The following BEST1 variants were observed in gnomAD, a reference collection of about 807,000 sequenced individuals.
The protein encoded by BEST1 is bestrophin 1, also known as bestrophin-1.
Under a neutral mutation model 63.3 loss-of-function variants are expected in BEST1, and 58 were observed. That is an observed-to-expected ratio of 0.92 (90% confidence interval 0.74 to 1.14). The LOEUF (loss-of-function observed/expected upper bound fraction) is 1.14. Among genes scored for constraint, BEST1 ranks in the 50% most tolerant of loss-of-function variants. The pLI is 0.00. For synonymous variants in BEST1, 283 were observed against 291.6 expected, an observed-to-expected ratio of 0.97 and a Z score of 0.30; for missense variants, 671 against 740.1, an observed-to-expected ratio of 0.91 and a Z score of 1.08.
chr11:61,963,244 GA>G, intron 10 of BEST1: 4 of 1,382,392 alleles, frequency 2.9e-6, no homozygotes, highest in Non-Finnish European at 3.7e-6. Context: ...AACTTACTTT[GA>G]GCAAGGGTGG....
chr11:61,959,479 A>C lies in BEST1; in HGVS notation c.868-19A>C, dbSNP rs1941805056. The stretch of plus-strand genomic sequence containing the variant: ...AGGAGTTCTGCCTGAGGGTTTACAG[A>C]GCCTCACCTGTCCCCAAGGTGGCAG... On this transcript the variant is annotated intron_variant, in intron 7 of 10. Transcript: ENST00000378043. The C allele has an allele frequency of 1.2e-6, 2 of 1,613,720 alleles. No homozygotes were observed. The highest frequency in any genetic ancestry group is 1.7e-6 in the Non-Finnish European group (2 of 1,179,626).
At chr11:61,956,463 G>A (rs1419496686) in intron 4 of BEST1, among the ~76,000 whole-genome samples, 2 of 152,074 alleles carry the variant, frequency 1.3e-5, no homozygotes, top group Non-Finnish European at 2.9e-5. Flanking sequence ...ACGCCCCTGA[G>A]CAACATAGCG....
downstream of BEST1, chr11:61,964,990 G>A: frequency 6.2e-7 from 1 of 1,614,084 alleles, no homozygotes; most frequent in South Asian, 1.1e-5. Flanking sequence ...TACTCACATG[G>A]GGGTCATTTT....
chr11:61,960,020 T>A lies in BEST1; in HGVS notation c.1077T>A (p.Phe359Leu). The A allele has an allele frequency of 6.2e-7, 1 of 1,609,894 alleles. No individual in the cohort carries two copies. ...CCGCCCAGTTCCGTCGAGCCTCCTT[T>A]ATGGGCTCCACCTTCAACATCAGGT... is the stretch of plus-strand genomic sequence containing the variant. ...AASAQFRRASFMGSTFNISLN... is the reference protein window; with the variant it reads ...AASAQFRRASLMGSTFNISLN... Residue 359 changes from phenylalanine (F) to leucine (L), a missense_variant, in exon 9 of 11, where the codon TTT (phenylalanine) becomes TTA (leucine). Phe to Leu is a conservative substitution (Grantham distance 22). Coordinates refer to ENST00000378043, the MANE Select transcript of BEST1 (RefSeq NM_004183.4).
upstream of BEST1, chr11:61,950,290 ACGG>A (rs1167163848): frequency 6.5e-6 from 1 of 152,796 alleles, no homozygotes; most frequent in African/African-American, 2.4e-5. Flanking sequence ...GAGTCAAGTG[ACGG>A]CGGCTCAGCA....
intron 9 of BEST1, 107 bp from the exon 10 acceptor site, chr11:61,962,148 C>T (rs1266160771): frequency 2.4e-6 from 3 of 1,253,608 alleles, no homozygotes; most frequent in Non-Finnish European, 3.5e-6. Context: ...ACGGTGTGGC[C>T]TTGGCTTGGG....
At chr11:61,951,269 G>A (rs1180123080) in intron 1 of BEST1, among the ~76,000 whole-genome samples, 30 of 152,058 alleles carry the variant, frequency 2.0e-4, no homozygotes, top group South Asian at 2.1e-4. Context: ...GTGCAATGGC[G>A]TGATCTCAGC....
Position 61,957,475 on chromosome 11 carries a change from G to C in BEST1, c.714+11G>C, listed in dbSNP as rs376817800. ...CTGGTGTATACACAGGTGAGGACTAGGCTGGTGAGGCTGCCCTTTTGGGAA... is the reference window on the plus strand; with the variant it reads ...CTGGTGTATACACAGGTGAGGACTACGCTGGTGAGGCTGCCCTTTTGGGAA... On this transcript the variant is annotated intron_variant, in intron 6 of 10. Transcript: ENST00000378043. The C allele has an allele frequency of 9.3e-6, 15 of 1,612,954 alleles. 1 individual carries two copies. In the African/African-American group the frequency reaches 1.1e-4, roughly 11 times the overall value.
At chr11:61,950,759 C>T (rs1408540389) in intron 1 of BEST1, among the ~76,000 whole-genome samples, 1 of 152,148 alleles carries the variant, frequency 6.6e-6, no homozygotes, top group African/African-American at 2.4e-5. Context: ...AGGCAGATAT[C>T]CTGTATAATT....
intron 7 of BEST1, 158 bp from the exon 8 acceptor site, chr11:61,959,340 G>C: frequency 1.4e-6 from 1 of 722,992 alleles, no homozygotes; most frequent in Non-Finnish European, 2.5e-6. Flanking sequence ...GTGCCCACAA[G>C]TGTGGGGGGC....
chr11:61,954,992 T>A (rs896119415), intron 2 of BEST1, 115 bp from the exon 3 acceptor site: 1 of 1,536,738 alleles, frequency 6.5e-7, no homozygotes, highest in South Asian at 1.2e-5. Context: ...CTGGGGAAAA[T>A]GTGGGATAGC....
In BEST1 at chr11:61,955,814, A is replaced by T; in HGVS notation, c.344A>T (p.Glu115Val). 1 of 1,550,560 alleles carries T rather than the reference A, an allele frequency of 6.4e-7. No homozygotes were observed. Among genetic ancestry groups the T allele is most frequent in the Non-Finnish European group, 8.7e-7 (1 of 1,146,936 alleles). The change falls in exon 4 of 11, where the codon GAA becomes GTA. Residue 115 changes from glutamate (E) to valine (V), a missense_variant. Coordinates refer to ENST00000378043, the MANE Select transcript of BEST1 (RefSeq NM_004183.4). ...RLMSLVSGFVEGKDEQGRLLR... is the reference protein window; with the variant it reads ...RLMSLVSGFVVGKDEQGRLLR... ...ATGAGCCTGGTGTCGGGCTTCGTCG[A>T]AGGCAAGGACGAGCAAGGCCGGCTG...
rs1457292729 is a variant in BEST1 at position 61,963,825 on chromosome 11, G to T, written c.1740-279G>T. 3 of 1,275,308 alleles carry T rather than the reference G, an allele frequency of 2.4e-6. 1 individual carries two copies. Among genetic ancestry groups the T allele is most frequent in the East Asian group, 7.8e-5 (2 of 25,662 alleles). 79.0% of individuals were successfully genotyped at this position (1,275,308 alleles called of 1,614,324 possible). A position where few individuals can be genotyped will look rare whatever the true frequency, so the allele number is the denominator to read the frequency against. Reference sequence around the variant, plus strand: ...TTGAGACCAACCTGGCCAACATGATGAAACCCCATCTCTACCAAAAAAAAT... The same window carrying T: ...TTGAGACCAACCTGGCCAACATGATTAAACCCCATCTCTACCAAAAAAAAT... On this transcript the variant is annotated intron_variant, in intron 10 of 10. Coordinates refer to ENST00000378043, the MANE Select transcript of BEST1 (RefSeq NM_004183.4).
rs981384703 is a variant in BEST1 at position 61,958,846 on chromosome 11, C to T, written c.867+548C>T. ...ATTTTTTGGTAATGGGGGTGTAAGTCTCTGTCTCTGCCCTTCCTGTCACTG... is the reference window on the plus strand; with the variant it reads ...ATTTTTTGGTAATGGGGGTGTAAGTTTCTGTCTCTGCCCTTCCTGTCACTG... On this transcript the variant is annotated intron_variant, in intron 7 of 10. Coordinates refer to ENST00000378043, the MANE Select transcript of BEST1 (RefSeq NM_004183.4). The T allele has an allele frequency of 1.6e-5, 5 of 311,874 alleles. No homozygotes were observed. The Admixed American group carries it at 1.9e-4, about 12-fold the overall frequency. 19.3% of individuals were successfully genotyped at this position (311,874 alleles called of 1,614,324 possible). A position where few individuals can be genotyped will look rare whatever the true frequency, so the allele number is the denominator to read the frequency against.
chr11:61,956,000 G>C, intron 4 of BEST1, 49 bp downstream of exon 4: 1 of 1,505,900 alleles, frequency 6.6e-7, no homozygotes, highest in Non-Finnish European at 9.0e-7. Context: ...GCCAGGGGCC[G>C]AGATGGGCGC....
At chr11:61,958,873 G>GACACAC (rs71471844) in intron 7 of BEST1, 53 of 192,864 alleles carry the variant, frequency 2.7e-4, no homozygotes, top group African/African-American at 1.4e-3. Flanking sequence ...CTGTCACTGT[G>GACACAC]ACACACACAC....
chr11:61,955,020 C>A, intron 2 of BEST1, 87 bp from the exon 3 acceptor site: 1 of 1,581,270 alleles, frequency 6.3e-7, no homozygotes, highest in South Asian at 1.1e-5. Context: ...CAGTCCCACT[C>A]CTACCCAGGG....
At position 61,964,157 on chromosome 11, in the gene BEST1, T is replaced by C. The variant is rs1942365566; in HGVS notation, c.*35T>C. 4 of 1,613,488 alleles carry C rather than the reference T, an allele frequency of 2.5e-6. No individual in the cohort carries two copies. Among genetic ancestry groups the C allele is most frequent in the Non-Finnish European group, 3.4e-6 (4 of 1,179,964 alleles). ...TAATGGGGATGCTTCGCCAGCCAGG[T>C]CCTCACCTGTGTGTACACCAGCAGG... On this transcript the variant is annotated 3_prime_UTR_variant, in exon 11 of 11. Transcript: ENST00000378043.
intron 6 of BEST1, 87 bp from the exon 7 acceptor site, chr11:61,958,056 TCTC>T: frequency 6.2e-7 from 1 of 1,602,952 alleles, no homozygotes; most frequent in Non-Finnish European, 8.5e-7. Context: ...AAGGCCTTGG[TCTC>T]CTGTCTCAGA....
Sources: gnomAD v4.1 joint callset for allele counts (sites outside exome capture counted in the v4.1 genomes callset) on GRCh38, gnomAD v4.1.1 for gene constraint, MANE v1.5 for transcripts, NCBI Gene and HGNC (gene_info 2026-07-23, HGNC 2026-07-21) for gene names.